Variants in NF1 observed in about 807,000 individuals in gnomAD.
The protein encoded by NF1 is neurofibromin 1.
Under a neutral mutation model 325.7 loss-of-function variants are expected in NF1, and 122 were observed. The ratio of observed to expected loss-of-function variants is 0.37; its 90% confidence interval spans 0.32 to 0.44. The LOEUF (loss-of-function observed/expected upper bound fraction) is 0.44, where lower values mean the gene tolerates loss of function less well. Among genes scored for constraint, NF1 ranks in the 20% least tolerant of loss-of-function variants. NF1 has a pLI of 1.00. For missense variants in NF1, 2,140 were observed against 3,415.4 expected (o/e 0.63, Z 9.31); for synonymous variants, 1,091 against 1,186.0 (o/e 0.92, Z 1.65).
Position 31,261,833 on chromosome 17 carries a change from C to G in NF1, c.4700C>G (p.Ser1567Ter), listed in dbSNP as rs1555619051. The G allele has an allele frequency of 6.2e-7, 1 of 1,612,964 alleles. No homozygotes were observed. The highest frequency in any genetic ancestry group is 8.5e-7 in the Non-Finnish European group (1 of 1,179,944). The change falls in exon 35 of 58, where the codon TCA becomes TGA. Residue 1567 changes from serine (S) to a stop codon, truncating the protein, a stop_gained. Transcript: ENST00000358273. LOFTEE classifies it high-confidence loss of function. The stretch of plus-strand genomic sequence containing the variant: ...TGGTCCAGCCTTAACCTTACCAGTT[C>G]AAAGTTTGAGGAATTTATGACTAGG... ...THWSSLNLTS[S>*]KFEEFMTRHQ... is the part of the protein sequence containing the mutation.
chr17:31,246,625 T>C (rs190083263), intron 29 of NF1, among the ~76,000 whole-genome samples: 1 of 152,152 alleles, frequency 6.6e-6, no homozygotes, highest in Non-Finnish European at 1.5e-5. Flanking sequence ...AAGTGGTGAG[T>C]TTCATAAGGG....
At chr17:31,149,062 C>G (rs1916759075) in intron 1 of NF1, among the ~76,000 whole-genome samples, 1 of 151,188 alleles carries the variant, frequency 6.6e-6, no homozygotes, top group South Asian at 2.1e-4. Flanking sequence ...TATCTCCTCC[C>G]TCTTCTTAGA....
chr17:31,315,279 G>A (rs2068991004), intron 36 of NF1, among the ~76,000 whole-genome samples: 1 of 152,014 alleles, frequency 6.6e-6, no homozygotes, highest in African/African-American at 2.4e-5. Context: ...GAGGGGTTGG[G>A]GAGATGGTGT....
chr17:31,159,168 A>G, intron 3 of NF1, 75 bp downstream of exon 3: 1 of 1,042,004 alleles, frequency 9.6e-7, no homozygotes, highest in Admixed American at 1.7e-5. Flanking sequence ...CAAAGTACAG[A>G]TGTGGACCAA....
intron 1 of NF1, among the ~76,000 whole-genome samples, chr17:31,109,678 C>A (rs1291274971): frequency 2.0e-5 from 3 of 152,146 alleles, no homozygotes; most frequent in African/African-American, 7.2e-5. Context: ...GCCACCATGC[C>A]TTGGCCTCAT....
At chr17:31,249,809 A>C (rs2067463071) in intron 30 of NF1, 1 of 361,956 alleles carries the variant, frequency 2.8e-6, no homozygotes, top group Admixed American at 3.8e-5. Context: ...TATTTATTCC[A>C]AGGGAGGTCC....
At chr17:31,189,284 T>C (rs2066296519) in intron 8 of NF1, among the ~76,000 whole-genome samples, 1 of 152,064 alleles carries the variant, frequency 6.6e-6, no homozygotes, top group African/African-American at 2.4e-5. Flanking sequence ...ATATAGATAT[T>C]TAAAATTTGC....
chr17:31,367,934 G>A (rs888460530), intron 57 of NF1, among the ~76,000 whole-genome samples: 1 of 151,050 alleles, frequency 6.6e-6, no homozygotes, highest in Non-Finnish European at 1.5e-5. Context: ...GAGTGACAGA[G>A]CAATACTCTG....
intron 40 of NF1, 84 bp downstream of exon 40, chr17:31,335,115 A>G: frequency 8.7e-7 from 1 of 1,144,986 alleles, no homozygotes; most frequent in Non-Finnish European, 1.3e-6. Flanking sequence ...GCACTGCGCT[A>G]GACACTAGGG....
chr17:31,171,059 T>C (rs2065920644), intron 5 of NF1, among the ~76,000 whole-genome samples: 1 of 152,182 alleles, frequency 6.6e-6, no homozygotes, highest in Non-Finnish European at 1.5e-5. Flanking sequence ...TAATATTTCC[T>C]TTAAACTCAA....
At chr17:31,204,443 AG>A in intron 11 of NF1, among the ~76,000 whole-genome samples, 1 of 152,248 alleles carries the variant, frequency 6.6e-6, no homozygotes, top group African/African-American at 2.4e-5. Context: ...AAAAAGAGTA[AG>A]TCTACTTTAA....
chr17:31,248,902 G>T, intron 29 of NF1, 82 bp from the exon 30 acceptor site: 2 of 1,373,578 alleles, frequency 1.5e-6, no homozygotes, highest in South Asian at 2.4e-5. Context: ...CTTAATGTCT[G>T]TATAAGAGTC....
chr17:31,101,292 A>T (rs1258482827), intron 1 of NF1, among the ~76,000 whole-genome samples: 1 of 152,014 alleles, frequency 6.6e-6, no homozygotes, highest in Non-Finnish European at 1.5e-5. Flanking sequence ...ATACTTTTCT[A>T]CTGAATTGGA....
At chr17:31,286,543 T>C (rs544010693) in intron 36 of NF1, among the ~76,000 whole-genome samples, 1 of 152,320 alleles carries the variant, frequency 6.6e-6, no homozygotes, top group African/African-American at 2.4e-5. Context: ...AAAAATGTCA[T>C]GTGATCTTGT....
chr17:31,118,966 C>G (rs574679965), intron 1 of NF1, among the ~76,000 whole-genome samples: 1 of 149,900 alleles, frequency 6.7e-6, no homozygotes, highest in Admixed American at 6.7e-5. Context: ...GATGGAGTCT[C>G]ACTGTGTTGC....
chr17:31,303,674 T>C, intron 36 of NF1: 1 of 152,456 alleles, frequency 6.6e-6, no homozygotes. Context: ...TGCATCCTCA[T>C]ATTTTTTTCA....
At chr17:31,227,449 G>T in intron 19 of NF1, 74 bp from the exon 20 acceptor site, 1 of 1,521,502 alleles carries the variant, frequency 6.6e-7, no homozygotes, top group South Asian at 1.1e-5. Context: ...CATCAAGTTT[G>T]AAACTTGGCT....
At chr17:31,270,383 G>T (rs1156506777) in intron 36 of NF1, among the ~76,000 whole-genome samples, 1 of 152,152 alleles carries the variant, frequency 6.6e-6, no homozygotes, top group African/African-American at 2.4e-5. Flanking sequence ...CCAAGGCGGG[G>T]AAATCACTTG....
chr17:31,312,885 C>T (rs886677246), intron 36 of NF1, among the ~76,000 whole-genome samples: 1 of 152,022 alleles, frequency 6.6e-6, no homozygotes, highest in Non-Finnish European at 1.5e-5. Flanking sequence ...CCATTTTACC[C>T]ACAGCAAGCA....
Sources: gnomAD v4.1 joint callset for allele counts (sites outside exome capture counted in the v4.1 genomes callset) on GRCh38, gnomAD v4.1.1 for gene constraint, MANE v1.5 for transcripts, NCBI Gene and HGNC (gene_info 2026-07-23, HGNC 2026-07-21) for gene names.